Variants in ST18 observed in about 807,000 individuals in gnomAD.
ST18 encodes suppression of tumorigenicity 18 protein.
Under a neutral mutation model 110.0 loss-of-function variants are expected in ST18, and 50 were observed. That is an observed-to-expected ratio of 0.45 (90% CI 0.36 to 0.58). The LOEUF (loss-of-function observed/expected upper bound fraction) is 0.58, where lower values mean the gene tolerates loss of function less well. Among genes scored for constraint, ST18 ranks in the 20% least tolerant of loss-of-function variants. ST18 has a pLI of 0.00. For synonymous variants in ST18, 461 were observed against 452.4 expected (o/e 1.02, Z -0.24); for missense variants, 1,306 against 1,280.1 (o/e 1.02, Z -0.31).
chr8:52,352,469 A>G (rs1202256488), intron 2 of ST18, among the ~76,000 whole-genome samples: 3 of 152,266 alleles, frequency 2.0e-5, no homozygotes, highest in African/African-American at 7.2e-5. Flanking sequence ...CACAATCCTC[A>G]TTTTCCCCAG....
chr8:52,326,989 T>A (rs553575990), intron 2 of ST18, among the ~76,000 whole-genome samples: 32 of 152,304 alleles, frequency 2.1e-4, no homozygotes, highest in African/African-American at 7.5e-4. Context: ...CTGCCCACTC[T>A]CTCAAAGTGC....
intron 2 of ST18, among the ~76,000 whole-genome samples, chr8:52,389,197 G>A (rs1288662295): frequency 6.6e-6 from 1 of 152,128 alleles, no homozygotes; most frequent in Non-Finnish European, 1.5e-5. Flanking sequence ...TTGGAGGCGA[G>A]CGCGGAGGGC....
At chr8:52,331,708 A>G (rs750376439) in intron 2 of ST18, among the ~76,000 whole-genome samples, 2 of 152,230 alleles carry the variant, frequency 1.3e-5, no homozygotes, top group African/African-American at 2.4e-5. Context: ...CTGGTCCTTC[A>G]TGGGGGACAC....
At chr8:52,312,491 A>G (rs2095936697) in intron 2 of ST18, among the ~76,000 whole-genome samples, 1 of 152,244 alleles carries the variant, frequency 6.6e-6, no homozygotes, top group Non-Finnish European at 1.5e-5. Flanking sequence ...GGTCTCAAAG[A>G]TGCAGCATGG....
intron 11 of ST18, 115 bp from the exon 12 acceptor site, chr8:52,165,340 GCTCT>G: frequency 1.1e-6 from 1 of 939,414 alleles, no homozygotes; most frequent in Non-Finnish European, 1.7e-6. Context: ...CATCCACCAT[GCTCT>G]CTCTCTCTAT....
rs367655198 is a variant in ST18, at chr8:52,149,970, T to G, written c.1814A>C (p.Glu605Ala). The G allele has an allele frequency of 5.0e-5, 81 of 1,613,632 alleles. No homozygotes were observed. The highest frequency in any genetic ancestry group is 6.4e-5 in the Non-Finnish European group (75 of 1,179,836). Residue 605 changes from glutamate (E) to alanine (A), a missense_variant, in exon 16 of 26, where the codon GAA becomes GCA. Glu to Ala is a moderately radical substitution (Grantham distance 107, BLOSUM62 -1). Coordinates refer to ENST00000689386, the MANE Select transcript of ST18 (RefSeq NM_001352837.2). Reference sequence around the variant, plus strand: ...TGTGCCATTTTCATCCACTTCTATTTCGGCTCCCTGGTATACAATAGGAAA... The same window carrying G: ...TGTGCCATTTTCATCCACTTCTATTGCGGCTCCCTGGTATACAATAGGAAA... The part of the protein sequence containing the change: ...KPQSLHAKGA[E>A]IEVDENGTLD...
intron 2 of ST18, among the ~76,000 whole-genome samples, chr8:52,267,578 CA>C (rs1329577658): frequency 6.6e-6 from 1 of 151,428 alleles, no homozygotes; most frequent in Non-Finnish European, 1.5e-5. Context: ...CTAAAAGTTC[CA>C]CATCTCCAAG....
At chr8:52,356,199 T>C (rs1400606327) in intron 2 of ST18, among the ~76,000 whole-genome samples, 1 of 152,168 alleles carries the variant, frequency 6.6e-6, no homozygotes, top group African/African-American at 2.4e-5. Flanking sequence ...AACTGAAGGC[T>C]AAAGTGGAGT....
intron 2 of ST18, among the ~76,000 whole-genome samples, chr8:52,350,811 C>T (rs1461853835): frequency 6.6e-6 from 1 of 152,000 alleles, no homozygotes. Flanking sequence ...ACCTCTGCCT[C>T]CCGGGTTCAA....
chr8:52,316,659 T>C (rs1440741798), intron 2 of ST18, among the ~76,000 whole-genome samples: 6 of 152,236 alleles, frequency 3.9e-5, no homozygotes, highest in Non-Finnish European at 8.8e-5. Flanking sequence ...ACATTACATT[T>C]CCTAAGTCAC....
intron 2 of ST18, among the ~76,000 whole-genome samples, chr8:52,272,660 G>C (rs995205455): frequency 1.3e-5 from 2 of 152,156 alleles, no homozygotes; most frequent in African/African-American, 4.8e-5. Flanking sequence ...AAATCAGTGT[G>C]GTGGTTCCTC....
At chr8:52,292,995 G>A (rs1261036766) in intron 2 of ST18, among the ~76,000 whole-genome samples, 1 of 152,192 alleles carries the variant, frequency 6.6e-6, no homozygotes, top group African/African-American at 2.4e-5. Context: ...CCTCAGCTTT[G>A]TCTATACAGG....
At chr8:52,131,477 G>A (rs556121594) in intron 22 of ST18, among the ~76,000 whole-genome samples, 135 of 152,298 alleles carry the variant, frequency 8.9e-4, no homozygotes, top group African/African-American at 3.0e-3. Flanking sequence ...TGCAGTCACT[G>A]TGTCATTTTC....
chr8:52,194,816 C>T (rs1388829939), intron 8 of ST18: 5 of 152,306 alleles, frequency 3.3e-5, no homozygotes, highest in Middle Eastern at 3.4e-3. Flanking sequence ...ACATCATGAA[C>T]TGATCAGTTC....
In ST18 at chr8:52,259,395, C is replaced by A. The variant is rs373646767; in HGVS notation, c.-464-29318G>T. 2.6e-5 allele frequency among the ~76,000 whole-genome samples: 4 copies of A among 152,298 alleles called. No homozygotes were observed. In the East Asian group the frequency reaches 5.8e-4, roughly 22 times the overall value. On this transcript the variant is annotated intron_variant, in intron 2 of 25. Transcript: ENST00000689386. Reference sequence around the variant, plus strand: ...TAGACATAAGTTTATTGCCTGCCCACTTCATACTTGCAATATTTAATCTCT... The same window carrying A: ...TAGACATAAGTTTATTGCCTGCCCAATTCATACTTGCAATATTTAATCTCT...
At chr8:52,152,200 C>T (rs949901325) in intron 15 of ST18, among the ~76,000 whole-genome samples, 12 of 152,282 alleles carry the variant, frequency 7.9e-5, no homozygotes, top group Admixed American at 2.0e-4. Flanking sequence ...CGCACAGATG[C>T]CTTCAACAAT....
At chr8:52,381,221 C>A (rs1295621810) in intron 2 of ST18, among the ~76,000 whole-genome samples, 2 of 152,146 alleles carry the variant, frequency 1.3e-5, no homozygotes, top group African/African-American at 4.8e-5. Flanking sequence ...CCAGTACCTG[C>A]CACATGCTTT....
intron 2 of ST18, among the ~76,000 whole-genome samples, chr8:52,237,395 G>A (rs963295439): frequency 2.1e-4 from 32 of 151,964 alleles, no homozygotes; most frequent in Admixed American, 8.5e-4. Flanking sequence ...TATTATAAAT[G>A]CTTTATGTAT....
At chr8:52,123,244 A>G (rs1227776216) in intron 23 of ST18, among the ~76,000 whole-genome samples, 1 of 152,234 alleles carries the variant, frequency 6.6e-6, no homozygotes, top group East Asian at 1.9e-4. Context: ...CTAAAATATT[A>G]TCTAATTCAG....
Sources: gnomAD v4.1 joint callset for allele counts (sites outside exome capture counted in the v4.1 genomes callset) on GRCh38, gnomAD v4.1.1 for gene constraint, MANE v1.5 for transcripts, NCBI Gene and HGNC (gene_info 2026-07-23, HGNC 2026-07-21) for gene names.